Variants in TLN2 observed in about 807,000 individuals in gnomAD.
The protein encoded by TLN2 is talin-2.
Under a neutral mutation model 294.7 loss-of-function variants are expected in TLN2, and 118 were observed. That is an observed-to-expected ratio of 0.40 (90% confidence interval 0.34 to 0.47). TLN2 has a LOEUF of 0.47. TLN2 is among the 20% of genes least tolerant of loss of function. The pLI, the probability that TLN2 is intolerant of heterozygous loss-of-function variation, is 0.84. For missense variants in TLN2, 3,083 were observed against 3,282.2 expected, an observed-to-expected ratio of 0.94 and a Z score of 1.48; for synonymous variants, 1,431 against 1,304.5, an observed-to-expected ratio of 1.10 and a Z score of -2.09.
intron 35 of TLN2, among the ~76,000 whole-genome samples, chr15:62,752,662 A>G (rs1410555519): frequency 1.3e-5 from 2 of 152,226 alleles, no homozygotes; most frequent in Non-Finnish European, 2.9e-5. Context: ...GACCCAGCAT[A>G]TAGGTTCAGA....
intron 1 of TLN2, among the ~76,000 whole-genome samples, chr15:62,459,054 A>G (rs1089455): frequency 0.95 from 143,765 of 151,850 alleles, 68,494 homozygotes; most frequent in East Asian, 1. Flanking sequence ...AGGCTGGAGT[A>G]TAGTGGCGCA....
intron 45 of TLN2, among the ~76,000 whole-genome samples, chr15:62,785,434 G>A (rs2133088): frequency 0.98 from 149,528 of 152,246 alleles, 73,482 homozygotes; most frequent in Middle Eastern, 1. Context: ...GGCCGAGGTG[G>A]ACAGATCACT....
chr15:62,517,270 T>C (rs774279862), intron 1 of TLN2, among the ~76,000 whole-genome samples: 15 of 152,206 alleles, frequency 9.9e-5, no homozygotes, highest in Admixed American at 4.6e-4. Flanking sequence ...CCCTTGTCCC[T>C]TTGTCCTCTT....
At chr15:62,825,861 TATATATTTA>T in intron 54 of TLN2, among the ~76,000 whole-genome samples, 1 of 90,686 alleles carries the variant, frequency 1.1e-5, no homozygotes, top group South Asian at 3.3e-4. Flanking sequence ...ATTATATATA[TATATATTTA>T]TATATATATA....
At chr15:62,583,900 T>A (rs938480178) in intron 1 of TLN2, among the ~76,000 whole-genome samples, 2 of 152,164 alleles carry the variant, frequency 1.3e-5, no homozygotes, top group African/African-American at 4.8e-5. Flanking sequence ...GCATCTCTGT[T>A]TTTTTTGGTT....
intron 40 of TLN2, 119 bp downstream of exon 40, chr15:62,763,814 C>A (rs1251654890): frequency 5.1e-6 from 7 of 1,364,922 alleles, no homozygotes; most frequent in Non-Finnish European, 6.7e-6. Flanking sequence ...GGAGTTTCAC[C>A]ATTAGACAGC....
intron 1 of TLN2, among the ~76,000 whole-genome samples, chr15:62,436,720 CTTTA>C (rs1018230056): frequency 5.9e-5 from 9 of 152,068 alleles, no homozygotes; most frequent in Admixed American, 2.6e-4. Context: ...TTTGATTTCT[CTTTA>C]TTTATTTATT....
intron 32 of TLN2, among the ~76,000 whole-genome samples, chr15:62,743,192 G>A (rs944474162): frequency 2.0e-5 from 3 of 152,112 alleles, no homozygotes; most frequent in African/African-American, 7.2e-5. Flanking sequence ...GATCATCATA[G>A]TCTCAGTCCT....
intron 1 of TLN2, among the ~76,000 whole-genome samples, chr15:62,508,506 C>T (rs2039755430): frequency 6.6e-6 from 1 of 152,206 alleles, no homozygotes; most frequent in Non-Finnish European, 1.5e-5. Context: ...TGAGCCACTG[C>T]ACCCGGCCAA....
intron 3 of TLN2, among the ~76,000 whole-genome samples, chr15:62,620,831 CTTTT>C (rs2048742220): frequency 8.6e-6 from 1 of 115,682 alleles, no homozygotes; most frequent in African/African-American, 3.6e-5. Flanking sequence ...TTTTTTCTTT[CTTTT>C]TCTTTTTTTT....
intron 1 of TLN2, among the ~76,000 whole-genome samples, chr15:62,531,957 A>G (rs559943093): frequency 4.6e-5 from 7 of 152,298 alleles, no homozygotes; most frequent in South Asian, 4.1e-4. Context: ...GTGTCCCCCA[A>G]GTGGTGTGAT....
intron 37 of TLN2, among the ~76,000 whole-genome samples, chr15:62,758,310 C>A (rs889314614): frequency 1.3e-5 from 2 of 152,210 alleles, no homozygotes; most frequent in African/African-American, 4.8e-5. Flanking sequence ...CTGCCTCCTG[C>A]CAGGGATGGC....
intron 1 of TLN2, among the ~76,000 whole-genome samples, chr15:62,500,345 T>A (rs572161331): frequency 2.1e-4 from 32 of 152,078 alleles, no homozygotes; most frequent in South Asian, 1.2e-3. Context: ...TCTCAAAAAA[T>A]AAATAAATAA....
At chr15:62,734,602 C>T (rs1165361425) in intron 28 of TLN2, among the ~76,000 whole-genome samples, 1 of 152,198 alleles carries the variant, frequency 6.6e-6, no homozygotes, top group African/African-American at 2.4e-5. Flanking sequence ...GCTTTGTTCA[C>T]CTTTGTGCTT....
At chr15:62,587,945 A>G (rs1296054848) in intron 1 of TLN2, among the ~76,000 whole-genome samples, 1 of 151,872 alleles carries the variant, frequency 6.6e-6, no homozygotes, top group Non-Finnish European at 1.5e-5. Context: ...TAGTGGCGTG[A>G]TCTCGGCTCA....
chr15:62,671,155 G>T (rs2055363848), intron 9 of TLN2, among the ~76,000 whole-genome samples: 1 of 151,902 alleles, frequency 6.6e-6, no homozygotes, highest in African/African-American at 2.4e-5. Flanking sequence ...ATCAGTTAAA[G>T]GTTTTTTATA....
intron 1 of TLN2, among the ~76,000 whole-genome samples, chr15:62,462,195 C>T (rs1417729318): frequency 3.9e-5 from 6 of 152,222 alleles, no homozygotes; most frequent in Non-Finnish European, 8.8e-5. Context: ...GATTGCGGCA[C>T]TGCGCTGCAG....
chr15:62,833,332 C>T, intron 54 of TLN2, 172 bp from the exon 55 acceptor site: 2 of 1,004,000 alleles, frequency 2.0e-6, no homozygotes, highest in South Asian at 1.8e-5. Context: ...AAAGTTTGCA[C>T]AGGGGACCTG....
At chr15:62,588,000 C>T (rs948184664) in intron 1 of TLN2, among the ~76,000 whole-genome samples, 1 of 152,074 alleles carries the variant, frequency 6.6e-6, no homozygotes, top group Non-Finnish European at 1.5e-5. Flanking sequence ...CCTGCCTCAG[C>T]CCCCACAGTA....
Sources: allele counts gnomAD v4.1 joint callset (sites outside exome capture counted in the v4.1 genomes callset), GRCh38; gene constraint gnomAD v4.1.1; transcripts MANE v1.5; gene names NCBI Gene and HGNC (gene_info 2026-07-23, HGNC 2026-07-21).